The following LYPLAL1 variants were observed in gnomAD, a reference collection of about 807,000 sequenced individuals.
LYPLAL1 encodes the protein lysophospholipase like 1, also known as lysophospholipase-like protein 1.
A neutral mutation model predicts 19.7 loss-of-function variants in LYPLAL1; 23 were observed. The ratio of observed to expected loss-of-function variants is 1.17; its 90% confidence interval spans 0.84 to 1.65. LYPLAL1 has a LOEUF of 1.65. Ranked by LOEUF, LYPLAL1 falls within the 40% of genes most tolerant of loss-of-function variation. The pLI is 0.00. For synonymous variants in LYPLAL1, 119 were observed against 96.3 expected, an observed-to-expected ratio of 1.24 and a Z score of -1.38; for missense variants, 355 against 279.4, an observed-to-expected ratio of 1.27 and a Z score of -1.93.
the LYPLAL1 span, among the ~76,000 whole-genome samples, chr1:219,416,641 G>C: frequency 1.2e-4 from 19 of 152,186 alleles, no homozygotes; most frequent in Non-Finnish European, 2.5e-4. Context: ...ATTGAGGGGT[G>C]GGTCATTTAG....
At chr1:219,269,450 C>T in the LYPLAL1 span, among the ~76,000 whole-genome samples, 1 of 152,134 alleles carries the variant, frequency 6.6e-6, no homozygotes, top group Non-Finnish European at 1.5e-5. Flanking sequence ...TAATGTACAA[C>T]ATAGCAGAAT....
At chr1:219,243,646 G>C in the LYPLAL1 span, among the ~76,000 whole-genome samples, 3 of 152,080 alleles carry the variant, frequency 2.0e-5, no homozygotes, top group African/African-American at 4.8e-5. Flanking sequence ...AGGTCCCGGC[G>C]CAGTGGCTCA....
the LYPLAL1 span, among the ~76,000 whole-genome samples, chr1:219,245,943 T>C: frequency 6.6e-6 from 1 of 152,206 alleles, no homozygotes; most frequent in African/African-American, 2.4e-5. Flanking sequence ...AGTTAGGAGA[T>C]GGACCATCAT....
chr1:219,191,416 G>A (rs1657172803), intron 2 of LYPLAL1, among the ~76,000 whole-genome samples: 1 of 151,556 alleles, frequency 6.6e-6, no homozygotes, highest in Admixed American at 6.6e-5. Flanking sequence ...ATATAATATA[G>A]CCATTAAAAG....
the LYPLAL1 span, among the ~76,000 whole-genome samples, chr1:219,402,643 CAAA>C: frequency 4.9e-5 from 5 of 101,650 alleles, no homozygotes; most frequent in Admixed American, 9.4e-5. Flanking sequence ...TACCAGAAAC[CAAA>C]AAAAAAAAAA....
downstream of LYPLAL1, among the ~76,000 whole-genome samples, chr1:219,216,693 G>A (rs1659301876): frequency 6.6e-6 from 1 of 152,046 alleles, no homozygotes; most frequent in South Asian, 2.1e-4. Flanking sequence ...GGGCACCTCT[G>A]CAGATCTCTG....
chr1:219,380,775 A>G, the LYPLAL1 span, among the ~76,000 whole-genome samples: 2 of 152,226 alleles, frequency 1.3e-5, no homozygotes, highest in Non-Finnish European at 2.9e-5. Context: ...TATATAAAAG[A>G]CCATAAAGTA....
At chr1:219,370,046 G>A in the LYPLAL1 span, among the ~76,000 whole-genome samples, 1 of 152,196 alleles carries the variant, frequency 6.6e-6, no homozygotes, top group East Asian at 1.9e-4. Flanking sequence ...TCCGTCCTGG[G>A]ATGAGCCACA....
intron 3 of LYPLAL1, among the ~76,000 whole-genome samples, chr1:219,193,681 A>G (rs1657380710): frequency 6.6e-6 from 1 of 151,900 alleles, no homozygotes; most frequent in Admixed American, 6.6e-5. Flanking sequence ...GAATATTTGT[A>G]AATTTTTGTT....
the LYPLAL1 span, among the ~76,000 whole-genome samples, chr1:219,262,148 T>G: frequency 1.3e-5 from 2 of 152,158 alleles, 1 homozygote; most frequent in South Asian, 4.1e-4. Flanking sequence ...TTGTTCAAAC[T>G]TTCTGGTGTA....
chr1:219,235,081 T>G, the LYPLAL1 span, among the ~76,000 whole-genome samples: 1 of 152,206 alleles, frequency 6.6e-6, no homozygotes, highest in Non-Finnish European at 1.5e-5. Flanking sequence ...TTGTTTACAT[T>G]ATAATTCACT....
the LYPLAL1 span, among the ~76,000 whole-genome samples, chr1:219,374,244 A>C: frequency 6.6e-6 from 1 of 151,920 alleles, no homozygotes; most frequent in African/African-American, 2.4e-5. Flanking sequence ...TCCAATTGGC[A>C]GAGAACGGCT....
chr1:219,445,117 C>T, the LYPLAL1 span, among the ~76,000 whole-genome samples: 1 of 150,942 alleles, frequency 6.6e-6, no homozygotes, highest in Non-Finnish European at 1.5e-5. Context: ...TTTGAAATGA[C>T]TTTATCTCTG....
the LYPLAL1 span, among the ~76,000 whole-genome samples, chr1:219,411,457 G>C: frequency 3.3e-5 from 5 of 152,042 alleles, no homozygotes; most frequent in African/African-American, 7.2e-5. Context: ...CTGATGGGGA[G>C]GTGGAGAACC....
chr1:219,231,722 G>A, the LYPLAL1 span, among the ~76,000 whole-genome samples: 1 of 152,190 alleles, frequency 6.6e-6, no homozygotes, highest in African/African-American at 2.4e-5. Flanking sequence ...CCAGACTGAT[G>A]TTTTGTCTGC....
chr1:219,248,943 G>A, the LYPLAL1 span, among the ~76,000 whole-genome samples: 1 of 151,984 alleles, frequency 6.6e-6, no homozygotes, highest in Non-Finnish European at 1.5e-5. Context: ...ACAGAAATAT[G>A]TATATGTCTT....
At chr1:219,347,447 A>G in the LYPLAL1 span, among the ~76,000 whole-genome samples, 1 of 152,174 alleles carries the variant, frequency 6.6e-6, no homozygotes, top group Admixed American at 6.5e-5. Context: ...ACTGGCAAAA[A>G]GCTGTGAGAA....
At chr1:219,174,881 A>C (rs568990360) in intron 1 of LYPLAL1, 1 of 985,248 alleles carries the variant, frequency 1.0e-6, no homozygotes, top group East Asian at 1.1e-4. Flanking sequence ...TCAGCAGTGC[A>C]TGGAAGATCA....
the LYPLAL1 span, among the ~76,000 whole-genome samples, chr1:219,332,559 A>G: frequency 1.3e-5 from 2 of 152,062 alleles, no homozygotes; most frequent in African/African-American, 2.4e-5. Flanking sequence ...ACAACTTCTC[A>G]TTGGAATTTC....
Sources: allele counts gnomAD v4.1 joint callset (sites outside exome capture counted in the v4.1 genomes callset), GRCh38; gene constraint gnomAD v4.1.1; transcripts MANE v1.5; gene names NCBI Gene and HGNC (gene_info 2026-07-23, HGNC 2026-07-21).